NEGR1: variants seen among roughly 807,000 people sequenced by gnomAD.
NEGR1 encodes the protein IgLON family member 4.
Under a neutral mutation model 40.9 loss-of-function variants are expected in NEGR1, and 10 were observed. The observed-to-expected ratio is 0.24, with a 90% CI of 0.15 to 0.42. The LOEUF is 0.42. Ranked by LOEUF, NEGR1 falls within the 10% of genes least tolerant of loss-of-function variation. The probability of loss-of-function intolerance (pLI) is 1.00; values close to 1 mark genes in which losing one functional copy is unlikely to be tolerated. For missense variants in NEGR1, 352 were observed against 438.9 expected, an observed-to-expected ratio of 0.80 and a Z score of 1.77; for synonymous variants, 185 against 166.8, an observed-to-expected ratio of 1.11 and a Z score of -0.84.
At position 71,407,222 on chromosome 1, in the gene NEGR1, G is replaced by T. The variant is rs374025888; in HGVS notation, c.*224C>A. ...CTAAAAGTAATTTCAGAGCTTTCAC[G>T]TCTTAAAAAAAGGACAATGTGTACT... On this transcript the variant is annotated 3_prime_UTR_variant, in exon 7 of 7. Coordinates refer to ENST00000357731, the MANE Select transcript of NEGR1 (RefSeq NM_173808.3). The T allele has an allele frequency of 2.8e-6, 1 of 354,284 alleles. No individual in the cohort carries two copies. The highest frequency in any genetic ancestry group is 5.2e-6 in the Non-Finnish European group (1 of 193,418). The allele number at this position is 354,284 out of a possible 1,614,324, so 21.9% of individuals were successfully genotyped here.
At chr1:71,699,561 C>A (rs2101630338) in intron 3 of NEGR1, among the ~76,000 whole-genome samples, 1 of 151,484 alleles carries the variant, frequency 6.6e-6, no homozygotes, top group Admixed American at 6.6e-5. Flanking sequence ...ATTAAAAAAA[C>A]AAAACACTTC....
At chr1:71,565,076 T>C (rs1648577323) in intron 6 of NEGR1, among the ~76,000 whole-genome samples, 2 of 152,054 alleles carry the variant, frequency 1.3e-5, no homozygotes, top group South Asian at 2.1e-4. Context: ...CCCAAACCAA[T>C]CAAAGGCCCA....
At chr1:71,501,222 T>C in intron 6 of NEGR1, among the ~76,000 whole-genome samples, 1 of 152,144 alleles carries the variant, frequency 6.6e-6, no homozygotes, top group East Asian at 1.9e-4. Flanking sequence ...GATAAAGACA[T>C]AGCTTTTTAA....
chr1:71,822,588 TG>T (rs1471301282), intron 2 of NEGR1, among the ~76,000 whole-genome samples: 11 of 152,016 alleles, frequency 7.2e-5, no homozygotes, highest in African/African-American at 2.7e-4. Context: ...GCCCTCATTA[TG>T]GCATCATTGC....
At chr1:71,942,768 C>T (rs1304250072) in intron 1 of NEGR1, among the ~76,000 whole-genome samples, 13 of 147,654 alleles carry the variant, frequency 8.8e-5, no homozygotes, top group Non-Finnish European at 1.3e-4. Flanking sequence ...TCCCAAAGTG[C>T]TGGGATTACA....
At chr1:71,887,895 C>T (rs769308025) in intron 2 of NEGR1, among the ~76,000 whole-genome samples, 4 of 151,938 alleles carry the variant, frequency 2.6e-5, no homozygotes, top group Non-Finnish European at 4.4e-5. Flanking sequence ...ATCTCCCCTA[C>T]CCCCACCTGG....
chr1:72,172,178 A>T (rs868118796), intron 1 of NEGR1, among the ~76,000 whole-genome samples: 12 of 152,262 alleles, frequency 7.9e-5, no homozygotes, highest in Middle Eastern at 3.4e-3. Flanking sequence ...AACCAATATG[A>T]TTGCTTTTTC....
intron 1 of NEGR1, among the ~76,000 whole-genome samples, chr1:72,228,421 C>T (rs1487612878): frequency 6.6e-6 from 1 of 152,140 alleles, no homozygotes; most frequent in Non-Finnish European, 1.5e-5. Flanking sequence ...GGTTTTCACA[C>T]CTTCAGCCTC....
intron 4 of NEGR1, among the ~76,000 whole-genome samples, chr1:71,638,558 T>C (rs564190768): frequency 3.3e-5 from 5 of 152,086 alleles, no homozygotes; most frequent in African/African-American, 4.8e-5. Flanking sequence ...CAATTGAGCA[T>C]GTAGTCTATG....
At chr1:72,132,263 G>A (rs1236198011) in intron 1 of NEGR1, among the ~76,000 whole-genome samples, 3 of 152,122 alleles carry the variant, frequency 2.0e-5, no homozygotes, top group African/African-American at 4.8e-5. Context: ...TGTCCATAGA[G>A]AATTAAATTT....
chr1:71,858,266 T>G (rs1044746050), intron 2 of NEGR1, among the ~76,000 whole-genome samples: 1 of 152,040 alleles, frequency 6.6e-6, no homozygotes, highest in Non-Finnish European at 1.5e-5. Context: ...TTCTTCTTTT[T>G]AAACATTCCT....
At chr1:72,022,744 G>T (rs1429562455) in intron 1 of NEGR1, among the ~76,000 whole-genome samples, 1 of 152,054 alleles carries the variant, frequency 6.6e-6, no homozygotes, top group Non-Finnish European at 1.5e-5. Context: ...ATAAATTAGA[G>T]ATCTATAGAC....
At chr1:71,493,362 C>G (rs1365126164) in intron 6 of NEGR1, among the ~76,000 whole-genome samples, 1 of 151,880 alleles carries the variant, frequency 6.6e-6, no homozygotes, top group East Asian at 1.9e-4. Flanking sequence ...ATGGGAAGCC[C>G]AATTTTTCAA....
chr1:71,413,566 T>G (rs1479688559), intron 6 of NEGR1, among the ~76,000 whole-genome samples: 1 of 152,206 alleles, frequency 6.6e-6, no homozygotes, highest in Non-Finnish European at 1.5e-5. Flanking sequence ...TCCTCTGATT[T>G]GCAATTTCTT....
intron 1 of NEGR1, among the ~76,000 whole-genome samples, chr1:72,057,996 G>T (rs1647127665): frequency 6.6e-6 from 1 of 151,424 alleles, no homozygotes; most frequent in African/African-American, 2.4e-5. Flanking sequence ...TCACAGTTAG[G>T]TCCCTGGCGC....
rs137985594 is a variant in NEGR1 at position 71,561,233 on chromosome 1, A to G, written c.940+31584T>C. Among the ~76,000 whole-genome samples, 158 of 151,824 alleles carry G rather than the reference A, an allele frequency of 1.0e-3. 2 individuals carry two copies. The highest frequency in any genetic ancestry group is 9.7e-3 in the Admixed American group (147 of 15,190). On this transcript the variant is annotated intron_variant, in intron 6 of 6. Transcript: ENST00000357731. The stretch of plus-strand genomic sequence containing the variant: ...ATAAACATGATTAAAGCAAGCCCCT[A>G]ACAAAGATCAATGTCTTATTAATTT...
chr1:71,902,078 T>C (rs1406718761), intron 2 of NEGR1, among the ~76,000 whole-genome samples: 2 of 152,228 alleles, frequency 1.3e-5, no homozygotes, highest in African/African-American at 4.8e-5. Flanking sequence ...TATTCACTTA[T>C]TAATTGCAAG....
rs755185567 is a variant in NEGR1, at chr1:71,724,711, C to CT, written c.536-26573dup. Among the ~76,000 whole-genome samples the CT allele has an allele frequency of 3.0e-4, 45 of 152,160 alleles. 2 individuals carry two copies. The highest frequency in any genetic ancestry group is 1.0e-4 in the Non-Finnish European group (7 of 68,014). On this transcript the variant is annotated intron_variant, in intron 3 of 6. Coordinates refer to ENST00000357731, the MANE Select transcript of NEGR1 (RefSeq NM_173808.3). Reference sequence around the variant, plus strand: ...TGCTCAGCCCAGAGCTAATTATCCCCTGTTATACCAGGCACAGTTATGTTT... The same window carrying CT: ...TGCTCAGCCCAGAGCTAATTATCCCCTTGTTATACCAGGCACAGTTATGTTT...
At chr1:71,872,981 G>A (rs1185612144) in intron 2 of NEGR1, among the ~76,000 whole-genome samples, 3 of 151,714 alleles carry the variant, frequency 2.0e-5, no homozygotes, top group East Asian at 1.9e-4. Context: ...AGACTTAACC[G>A]ATGTTTCACA....
Sources: allele counts gnomAD v4.1 joint callset (sites outside exome capture counted in the v4.1 genomes callset), GRCh38; gene constraint gnomAD v4.1.1; transcripts MANE v1.5; gene names NCBI Gene and HGNC (gene_info 2026-07-23, HGNC 2026-07-21).